Variants in HTT observed in about 807,000 individuals in gnomAD.
The protein encoded by HTT is huntington disease protein.
HTT carries 104 observed loss-of-function variants against 362.3 expected under a neutral mutation model. That is an observed-to-expected ratio of 0.29 (90% CI 0.24 to 0.34). The LOEUF (loss-of-function observed/expected upper bound fraction) is 0.34. Ranked by LOEUF, HTT falls within the 10% of genes least tolerant of loss-of-function variation. The pLI is 1.00. For missense variants in HTT, 3,301 were observed against 3,928.6 expected, an observed-to-expected ratio of 0.84 and a Z score of 4.27; for synonymous variants, 1,577 against 1,548.7, an observed-to-expected ratio of 1.02 and a Z score of -0.43.
rs369429768 is a variant in HTT, at chr4:3,130,021, C to T, written c.1841C>T (p.Ser614Leu). 26 of 1,612,388 alleles carry T rather than the reference C, an allele frequency of 1.6e-5. No individual in the cohort carries two copies. Among genetic ancestry groups the T allele is most frequent in the Admixed American group, 3.3e-5 (2 of 59,734 alleles). Residue 614 changes from serine to leucine, a missense_variant, in exon 13 of 67, where the codon TCG becomes TTG. Around this residue, in one of 4 missense-constraint regions of HTT, gnomAD observed 2,316 missense variants for 2,658.5 expected, o/e 0.87. Coordinates refer to ENST00000355072, the MANE Select transcript of HTT (RefSeq NM_001388492.1). ...ACAGGTATTCTTCCTGATGAAGCCT[C>T]GGAGGCCTTCAGGAACTCTTCCATG... ...EATGILPDEA[S>L]EAFRNSSMAL...
At position 3,132,884 on chromosome 4, in the gene HTT, T is replaced by C; in HGVS notation, c.2466T>C (p.Thr822=). The C allele has an allele frequency of 6.2e-7, 1 of 1,613,788 alleles. No individual in the cohort carries two copies. The highest frequency in any genetic ancestry group is 8.5e-7 in the Non-Finnish European group (1 of 1,179,620). The change falls in exon 18 of 67, where the codon ACT becomes ACC. Residue 822 remains threonine (T), a synonymous_variant. Transcript: ENST00000355072. The stretch of plus-strand genomic sequence containing the variant: ...CACTGAAGGATGAGTCTTCTGTTAC[T>C]TGCAAGTTAGCTTGTACAGCTGTGA... ...RKTLKDESSV[T]CKLACTAVRN... is the part of the protein sequence containing the mutation.
chr4:3,168,237 C>G (rs1717805646), intron 29 of HTT, among the ~76,000 whole-genome samples: 1 of 152,172 alleles, frequency 6.6e-6, no homozygotes, highest in Non-Finnish European at 1.5e-5. Context: ...AACTATTGAG[C>G]CTTATCTGTG....
chr4:3,084,198 CTTTTTTTTTTTTT>C (rs4038024), intron 1 of HTT, among the ~76,000 whole-genome samples: 3 of 81,956 alleles, frequency 3.7e-5, no homozygotes, highest in African/African-American at 1.3e-4. Context: ...AATGCTTTGT[CTTTTTTTTTTTTT>C]TTTTTTTTTT....
rs1720189858 is a variant in HTT at position 3,212,160 on chromosome 4, T to G, written c.6628+18T>G. On this transcript the variant is annotated intron_variant, in intron 48 of 66. Coordinates refer to ENST00000355072, the MANE Select transcript of HTT (RefSeq NM_001388492.1). ...TCTGTTTGGTAATTAAAATTAAAAT[T>G]TATCTTATTTTTAAAAAGCATTCCA... is the stretch of plus-strand genomic sequence containing the variant. 1.3e-6 allele frequency: 2 copies of G among 1,573,998 alleles called. No individual in the cohort carries two copies. The highest frequency in any genetic ancestry group is 1.7e-6 in the Non-Finnish European group (2 of 1,152,548).
chr4:3,152,902 C>T (rs1003772950), intron 26 of HTT, among the ~76,000 whole-genome samples: 7 of 151,388 alleles, frequency 4.6e-5, no homozygotes, highest in South Asian at 2.1e-4. Context: ...CCGCCTGCCT[C>T]GGCCTCCCAA....
At chr4:3,229,234 CCACA>C (rs200984034) in intron 59 of HTT, among the ~76,000 whole-genome samples, 1 of 148,842 alleles carries the variant, frequency 6.7e-6, no homozygotes, top group African/African-American at 2.5e-5. Context: ...AGCACACATG[CCACA>C]CACACACGCC....
At position 3,146,805 on chromosome 4, in the gene HTT, C is replaced by T; in HGVS notation, c.3152C>T (p.Pro1051Leu). 2 of 1,613,782 alleles carry T rather than the reference C, an allele frequency of 1.2e-6. No individual in the cohort carries two copies. Among genetic ancestry groups the T allele is most frequent in the East Asian group, 2.2e-5 (1 of 44,902 alleles). The change falls in exon 25 of 67, where the codon CCA becomes CTA. Residue 1051 changes from proline to leucine, a missense_variant. Physicochemically the swap from Pro to Leu is moderately conservative, Grantham distance 98. Around this residue, in one of 4 missense-constraint regions of HTT, gnomAD observed 2,316 missense variants for 2,658.5 expected, o/e 0.87. Coordinates refer to ENST00000355072, the MANE Select transcript of HTT (RefSeq NM_001388492.1). ...WSLGWHCGVP[P>L]LSASDESRKS... is the part of the protein sequence containing the mutation. ...CAAATGTCTGCTTCCAGAGTGCCTC[C>T]ACTGAGTGCCTCAGATGAGTCTAGG...
At position 3,213,943 on chromosome 4, in the gene HTT, G is replaced by A. The variant is rs3733216; in HGVS notation, c.6775-15G>A. On this transcript the variant is annotated splice_polypyrimidine_tract_variant and intron_variant, in intron 49 of 66. Transcript: ENST00000355072. ...TACACGAGTGGGCATTCTGTGACTC[G>A]GTACTTCCCTTTAGGCCCTGTCCTG... The A allele has an allele frequency of 7.3e-6, 11 of 1,511,548 alleles. No homozygotes were observed. The East Asian group carries it at 7.4e-5, about 10-fold the overall frequency. 93.6% of individuals were successfully genotyped at this position (1,511,548 alleles called of 1,614,324 possible).
intron 40 of HTT, 110 bp downstream of exon 40, chr4:3,189,203 G>A: frequency 9.1e-7 from 1 of 1,099,396 alleles, no homozygotes; most frequent in Non-Finnish European, 1.3e-6. Context: ...CTTGCCCAGT[G>A]TGCCAGTTGA....
At chr4:3,190,685 C>A (rs1394394227) in intron 40 of HTT, among the ~76,000 whole-genome samples, 2 of 152,140 alleles carry the variant, frequency 1.3e-5, no homozygotes, top group Non-Finnish European at 2.9e-5. Context: ...GAGATCGAGA[C>A]CATGTCTCTA....
intron 49 of HTT, 140 bp from the exon 50 acceptor site, chr4:3,213,818 G>T (rs1239771499): frequency 1.6e-6 from 1 of 624,528 alleles, no homozygotes; most frequent in African/African-American, 1.9e-5. Context: ...AGCCATGTCA[G>T]AGCTGTCCTT....
At chr4:3,122,156 C>G (rs1377973045) in intron 9 of HTT, among the ~76,000 whole-genome samples, 2 of 152,246 alleles carry the variant, frequency 1.3e-5, no homozygotes, top group African/African-American at 2.4e-5. Flanking sequence ...GCCCAGTCAC[C>G]TCCTCTCCAT....
At chr4:3,175,218 T>C (rs1212966934) in intron 33 of HTT, 111 bp downstream of exon 33, 3 of 1,011,498 alleles carry the variant, frequency 3.0e-6, no homozygotes, top group Non-Finnish European at 4.4e-6. Flanking sequence ...GTTTCCCTCA[T>C]CAGTTGCTGC....
chr4:3,129,660 A>C (rs1053484029), intron 12 of HTT: 2 of 316,842 alleles, frequency 6.3e-6, no homozygotes, highest in Non-Finnish European at 1.1e-5. Flanking sequence ...TTTCTTTTTC[A>C]TATTAAAAAG....
rs1373861806 is a variant in HTT, at chr4:3,228,971, A to G, written c.8071A>G (p.Arg2691Gly). The G allele has an allele frequency of 1.9e-6, 3 of 1,613,700 alleles. No homozygotes were observed. Among genetic ancestry groups the G allele is most frequent in the Non-Finnish European group, 2.5e-6 (3 of 1,179,832 alleles). ...GATCCTGCCGTCCAGCTCAGCCAGG[A>G]GGACCCCGGCCATCCTGATCAGTGA... is the stretch of plus-strand genomic sequence containing the variant. ...RWILPSSSAR[R>G]TPAILISEVV... is the part of the protein sequence containing the mutation. Residue 2691 changes from arginine to glycine, a missense_variant, in exon 59 of 67, where the codon AGG (arginine) becomes GGG (glycine). By Grantham distance (125) the Arg-to-Gly change is moderately radical. This residue lies in a region of HTT where 753 missense variants were observed against 1,021.3 expected (regional missense o/e 0.74). Coordinates refer to ENST00000355072, the MANE Select transcript of HTT (RefSeq NM_001388492.1). This position sits in a 1 kb window ranked among gnomAD's most constrained non-coding sequence, Gnocchi z 4.3.
Position 3,117,488 on chromosome 4 carries a change from A to G in HTT, c.1068+1225A>G, listed in dbSNP as rs185456463. ...CCCCAATTATCCTCTTATTTCATCTATAAGTATTTCAGTATCTCTATAGAT... is the reference window on the plus strand; with the variant it reads ...CCCCAATTATCCTCTTATTTCATCTGTAAGTATTTCAGTATCTCTATAGAT... On this transcript the variant is annotated intron_variant, in intron 8 of 66. Transcript: ENST00000355072. Among the ~76,000 whole-genome samples, 7 of 152,094 alleles carry G rather than the reference A, an allele frequency of 4.6e-5. No individual in the cohort carries two copies. In the East Asian group the frequency reaches 7.7e-4, roughly 17 times the overall value.
At chr4:3,075,953 G>A (rs567954557) in intron 1 of HTT, among the ~76,000 whole-genome samples, 2 of 152,210 alleles carry the variant, frequency 1.3e-5, no homozygotes, top group South Asian at 2.1e-4. Context: ...TGTGTGTTGG[G>A]AATAAAACCA....
chr4:3,212,256 T>C (rs973982033), intron 48 of HTT, 114 bp downstream of exon 48: 3 of 858,160 alleles, frequency 3.5e-6, no homozygotes, highest in South Asian at 3.6e-5. Context: ...TGAAAGCGTT[T>C]ACAGAGGTAG....
intron 22 of HTT, among the ~76,000 whole-genome samples, chr4:3,141,013 AT>A: frequency 6.6e-6 from 1 of 152,244 alleles, no homozygotes; most frequent in South Asian, 2.1e-4. Context: ...ATGCCTGTTG[AT>A]TTTTTGGTGA....
Sources: gnomAD v4.1 joint callset for allele counts (sites outside exome capture counted in the v4.1 genomes callset) on GRCh38, gnomAD v4.1.1 for gene constraint, gnomAD v4.1.1 regional missense constraint, Gnocchi (gnomAD v3.1) non-coding constraint, MANE v1.5 for transcripts, NCBI Gene and HGNC (gene_info 2026-07-23, HGNC 2026-07-21) for gene names.